Variants in SUPT3H observed in about 807,000 individuals in gnomAD.
SUPT3H encodes the protein transcription initiation protein SPT3 homolog.
Under a neutral mutation model 44.3 loss-of-function variants are expected in SUPT3H, and 44 were observed. The observed-to-expected ratio is 0.99, with a 90% CI of 0.78 to 1.28. The LOEUF (loss-of-function observed/expected upper bound fraction) is 1.28. Ranked by LOEUF, SUPT3H falls within the 50% of genes most tolerant of loss-of-function variation. SUPT3H has a pLI of 0.00. For synonymous variants in SUPT3H, 124 were observed against 125.6 expected, an observed-to-expected ratio of 0.99 and a Z score of 0.09; for missense variants, 380 against 387.1, an observed-to-expected ratio of 0.98 and a Z score of 0.15.
At chr6:45,283,612 C>T (rs907916187) in intron 2 of SUPT3H, among the ~76,000 whole-genome samples, 1 of 152,110 alleles carries the variant, frequency 6.6e-6, no homozygotes, top group Non-Finnish European at 1.5e-5. Context: ...TACAAAGAGA[C>T]TTAGACTCCC....
intron 2 of SUPT3H, among the ~76,000 whole-genome samples, chr6:45,243,952 G>A (rs1224971590): frequency 1.3e-5 from 2 of 152,128 alleles, no homozygotes; most frequent in Non-Finnish European, 2.9e-5. Flanking sequence ...TGTGATCATG[G>A]CTCACTGCAG....
chr6:45,156,023 A>G (rs1184187464), intron 2 of SUPT3H, among the ~76,000 whole-genome samples: 1 of 152,172 alleles, frequency 6.6e-6, no homozygotes, highest in Non-Finnish European at 1.5e-5. Flanking sequence ...TAATATGTTT[A>G]TAATTTCTCA....
rs190102578 is a variant in SUPT3H at position 44,880,020 on chromosome 6, C to G, written c.913-50163G>C. On this transcript the variant is annotated intron_variant, in intron 10 of 10. Transcript: ENST00000371459. Reference sequence around the variant, plus strand: ...AATTCCAAAAACCAGAATGCCTCTTCTCCAAAAAATCACAACTCCTCGCCA... The same window carrying G: ...AATTCCAAAAACCAGAATGCCTCTTGTCCAAAAAATCACAACTCCTCGCCA... Among the ~76,000 whole-genome samples the G allele has an allele frequency of 1.2e-4, 18 of 152,180 alleles. No individual in the cohort carries two copies. In the East Asian group the frequency reaches 3.1e-3, roughly 26 times the overall value.
intron 3 of SUPT3H, among the ~76,000 whole-genome samples, chr6:45,082,890 G>A (rs1795995714): frequency 1.3e-5 from 2 of 151,986 alleles, no homozygotes; most frequent in African/African-American, 4.8e-5. Flanking sequence ...GACCTGACCA[G>A]AAGGCTCCTA....
chr6:44,813,577 A>G (rs1399424692), intron 11 of SUPT3H, among the ~76,000 whole-genome samples: 3 of 33,436 alleles, frequency 9.0e-5, no homozygotes, highest in Admixed American at 5.3e-4. Flanking sequence ...AACCAAGAGG[A>G]AAAAAAAAAA....
chr6:44,876,334 T>A (rs1777254914), intron 10 of SUPT3H, among the ~76,000 whole-genome samples: 1 of 63,740 alleles, frequency 1.6e-5, no homozygotes, highest in Non-Finnish European at 3.1e-5. Context: ...TAAAAAATGA[T>A]GAGTTCATGT....
chr6:45,063,197 G>A (rs528094789), intron 3 of SUPT3H, among the ~76,000 whole-genome samples: 4 of 143,272 alleles, frequency 2.8e-5, no homozygotes, highest in Non-Finnish European at 6.1e-5. Context: ...CCCAGCAGGG[G>A]CACACTGACA....
chr6:44,920,565 C>CAAAA (rs5875898), intron 10 of SUPT3H, among the ~76,000 whole-genome samples: 1 of 113,464 alleles, frequency 8.8e-6, no homozygotes, highest in African/African-American at 3.4e-5. Context: ...TTGTTTCTTT[C>CAAAA]AAAAAAAAAA....
intron 7 of SUPT3H, among the ~76,000 whole-genome samples, chr6:44,958,824 G>A (rs1241718355): frequency 6.9e-6 from 1 of 144,920 alleles, no homozygotes; most frequent in Non-Finnish European, 1.5e-5. Context: ...AGAGCTGTAG[G>A]AAAAAATGAC....
Position 45,065,926 on chromosome 6 carries a change from T to C in SUPT3H, c.186+39996A>G, listed in dbSNP as rs1329659195. ...TTCCTTCTGAAACTATTCCAATCAATAGAAAAAGAGGGAATCCTCCCTCAC... is the reference window on the plus strand; with the variant it reads ...TTCCTTCTGAAACTATTCCAATCAACAGAAAAAGAGGGAATCCTCCCTCAC... On this transcript the variant is annotated intron_variant, in intron 3 of 10. Transcript: ENST00000371459. Among the ~76,000 whole-genome samples, 125 of 136,046 alleles carry C rather than the reference T, an allele frequency of 9.2e-4. No homozygotes were observed. In the East Asian group the frequency reaches 0.011, roughly 12 times the overall value. The allele number at this position is 136,046 out of a possible 152,430, so 89.3% of individuals were successfully genotyped here. A position where few individuals can be genotyped will look rare whatever the true frequency, so the allele number is the denominator to read the frequency against.
chr6:45,259,684 A>G (rs1431022752), intron 2 of SUPT3H, among the ~76,000 whole-genome samples: 1 of 152,124 alleles, frequency 6.6e-6, no homozygotes, highest in Non-Finnish European at 1.5e-5. Flanking sequence ...TTTAGTGCAT[A>G]GGAACCACCT....
intron 4 of SUPT3H, among the ~76,000 whole-genome samples, chr6:45,018,643 T>A (rs1290289040): frequency 6.6e-6 from 1 of 151,982 alleles, no homozygotes; most frequent in Non-Finnish European, 1.5e-5. Flanking sequence ...ATATGCTGGA[T>A]TACATTTATT....
At chr6:45,140,631 G>T (rs569851247) in intron 2 of SUPT3H, among the ~76,000 whole-genome samples, 15 of 152,262 alleles carry the variant, frequency 9.9e-5, no homozygotes, top group African/African-American at 3.6e-4. Context: ...TATAACCAAG[G>T]ACTCTCACAT....
intron 3 of SUPT3H, among the ~76,000 whole-genome samples, chr6:45,040,001 C>T (rs2153529166): frequency 6.6e-6 from 1 of 152,300 alleles, no homozygotes; most frequent in African/African-American, 2.4e-5. Context: ...TGGTCAGACT[C>T]TGTCAGGGGA....
chr6:45,168,276 C>A (rs1439162008), intron 2 of SUPT3H, among the ~76,000 whole-genome samples: 1 of 152,128 alleles, frequency 6.6e-6, no homozygotes, highest in East Asian at 1.9e-4. Flanking sequence ...GGCTAAATAT[C>A]TGTTATCCAA....
intron 2 of SUPT3H, among the ~76,000 whole-genome samples, chr6:45,213,705 G>C (rs1280848666): frequency 2.0e-5 from 3 of 151,802 alleles, no homozygotes; most frequent in Non-Finnish European, 2.9e-5. Context: ...GAACAAGGAA[G>C]CCCATTAAAT....
At chr6:45,306,918 C>T (rs1176660988) in intron 2 of SUPT3H, among the ~76,000 whole-genome samples, 1 of 152,206 alleles carries the variant, frequency 6.6e-6, no homozygotes, top group East Asian at 1.9e-4. Context: ...GTCACTCCCA[C>T]CCTAACACTG....
chr6:45,251,145 G>C (rs1772302397), intron 2 of SUPT3H: 1 of 151,962 alleles, frequency 6.6e-6, no homozygotes, highest in Non-Finnish European at 1.5e-5. Flanking sequence ...AGCTAGAAAA[G>C]AGCAGAACAA....
At chr6:45,273,404 C>T (rs560221204) in intron 2 of SUPT3H, among the ~76,000 whole-genome samples, 77 of 152,244 alleles carry the variant, frequency 5.1e-4, no homozygotes, top group African/African-American at 1.6e-3. Flanking sequence ...CATTCTACCA[C>T]CCAAGCTTCC....
Sources: allele counts gnomAD v4.1 joint callset (sites outside exome capture counted in the v4.1 genomes callset), GRCh38; gene constraint gnomAD v4.1.1; transcripts MANE v1.5; gene names NCBI Gene and HGNC (gene_info 2026-07-23, HGNC 2026-07-21).